The following PPP1CC variants were observed in gnomAD, a reference collection of about 807,000 sequenced individuals.
The protein encoded by PPP1CC is serine/threonine-protein phosphatase PP1-gamma catalytic subunit.
In PPP1CC, 16 loss-of-function variants were observed where a neutral mutation model predicts 38.4. That is an observed-to-expected ratio of 0.42 (90% CI 0.28 to 0.63). PPP1CC has a LOEUF of 0.63. Ranked by LOEUF, PPP1CC falls within the 30% of genes least tolerant of loss-of-function variation. PPP1CC has a pLI of 0.25. For synonymous variants in PPP1CC, 158 were observed against 136.0 expected (o/e 1.16, Z -1.13); for missense variants, 170 against 391.3 (o/e 0.43, Z 4.77).
rs111878536 is a variant in PPP1CC at position 110,724,106 on chromosome 12, C to T, written c.523+554G>A. On this transcript the variant is annotated intron_variant, in intron 4 of 6. Transcript: ENST00000335007. ...ACAAAAAATTAGCCAAGCGTGGTGGCGGGTGGCTGCAGTCCCAGCTACTCA... is the reference window on the plus strand; with the variant it reads ...ACAAAAAATTAGCCAAGCGTGGTGGTGGGTGGCTGCAGTCCCAGCTACTCA... Among the ~76,000 whole-genome samples the T allele has an allele frequency of 5.1e-3, 768 of 152,058 alleles. 2 individuals are homozygous for T. Among genetic ancestry groups the T allele is most frequent in the Middle Eastern group, 0.01 (3 of 294 alleles).
chr12:110,727,811 C>T (rs919082559), intron 3 of PPP1CC, among the ~76,000 whole-genome samples: 3 of 152,076 alleles, frequency 2.0e-5, no homozygotes, highest in African/African-American at 7.2e-5. Flanking sequence ...CACTTTCATG[C>T]CCACAAGTAG....
chr12:110,730,477 G>A, intron 3 of PPP1CC, 52 bp downstream of exon 3: 9 of 1,333,652 alleles, frequency 6.7e-6, no homozygotes, highest in Non-Finnish European at 8.3e-6. Flanking sequence ...AATTGTTTAT[G>A]ATAAATATCT....
rs1183169828 is a variant in PPP1CC at position 110,719,949 on chromosome 12, C to G, written c.*1127G>C. On this transcript the variant is annotated 3_prime_UTR_variant, in exon 7 of 7. Transcript: ENST00000335007. ...AATAAGTCTGAATTCATTTTCACCA[C>G]ACGGTATTGTACACGGTCATCTGTT... is the stretch of plus-strand genomic sequence containing the variant. 1 of 545,084 alleles carries G rather than the reference C, an allele frequency of 1.8e-6. No homozygotes were observed. Among genetic ancestry groups the G allele is most frequent in the African/African-American group, 1.9e-5 (1 of 51,938 alleles). 33.8% of individuals were successfully genotyped at this position (545,084 alleles called of 1,614,324 possible).
At position 110,722,525 on chromosome 12, in the gene PPP1CC, C is replaced by G; in HGVS notation, c.694G>C (p.Val232Leu). ...TCATGCTTATGGAGAAATTTTGCAACCACTTCTGCACCAAATGTGAAGGAC... is the reference window on the plus strand; with the variant it reads ...TCATGCTTATGGAGAAATTTTGCAAGCACTTCTGCACCAAATGTGAAGGAC... ...GVSFTFGAEV[V>L]AKFLHKHDLD... The change falls in exon 5 of 7, where the codon GTT becomes CTT. Residue 232 changes from valine (V) to leucine (L), a missense_variant. This residue lies in a region of PPP1CC where 117 missense variants were observed against 344.4 expected (regional missense o/e 0.34). Transcript: ENST00000335007. The surrounding 1 kb of genome is among the most constrained non-coding windows in gnomAD (Gnocchi z 5.4). The G allele has an allele frequency of 1.2e-6, 2 of 1,614,174 alleles. No homozygotes were observed. The highest frequency in any genetic ancestry group is 8.5e-7 in the Non-Finnish European group (1 of 1,180,022).
At chr12:110,727,780 A>T (rs988112773) in intron 3 of PPP1CC, among the ~76,000 whole-genome samples, 16 of 152,214 alleles carry the variant, frequency 1.1e-4, no homozygotes, top group Non-Finnish European at 5.9e-5. Context: ...GCCTTCAACC[A>T]AAAGCCACCT....
intron 1 of PPP1CC, among the ~76,000 whole-genome samples, chr12:110,737,499 A>AG (rs1405643829): frequency 6.7e-6 from 1 of 149,880 alleles, no homozygotes. Flanking sequence ...AAAAAAAAAA[A>AG]AAGAAAAGAA....
chr12:110,739,436 T>C (rs2069986946), intron 1 of PPP1CC, among the ~76,000 whole-genome samples: 1 of 152,164 alleles, frequency 6.6e-6, no homozygotes, highest in South Asian at 2.1e-4. Flanking sequence ...TTATTATCTT[T>C]AGGACCAGGG....
chr12:110,722,011 A>T lies in PPP1CC; in HGVS notation c.882+124T>A. ...TATTCAACTATAATACACACTGGTT[A>T]AGGGAAAATAAAAACTTAGCCTACT... is the stretch of plus-strand genomic sequence containing the variant. On this transcript the variant is annotated intron_variant, in intron 6 of 6. Coordinates refer to ENST00000335007, the MANE Select transcript of PPP1CC (RefSeq NM_002710.4). This position sits in a 1 kb window ranked among gnomAD's most constrained non-coding sequence, Gnocchi z 5.4. The T allele has an allele frequency of 8.5e-7, 1 of 1,174,664 alleles. No homozygotes were observed. The highest frequency in any genetic ancestry group is 1.2e-6 in the Non-Finnish European group (1 of 839,750). 72.8% of individuals were successfully genotyped at this position (1,174,664 alleles called of 1,614,324 possible).
chr12:110,730,891 G>A (rs2069864072), intron 2 of PPP1CC, 132 bp from the exon 3 acceptor site: 1 of 617,846 alleles, frequency 1.6e-6, no homozygotes, highest in African/African-American at 1.8e-5. Flanking sequence ...GTTTAACTGG[G>A]CAGCCAACAC....
In PPP1CC at chr12:110,719,758, C is replaced by T. The variant is rs553892357; in HGVS notation, c.*1318G>A. 1 of 205,828 alleles carries T rather than the reference C, an allele frequency of 4.9e-6. No homozygotes were observed. Among genetic ancestry groups the T allele is most frequent in the African/African-American group, 2.3e-5 (1 of 42,724 alleles). The allele number at this position is 205,828 out of a possible 1,614,324, so 12.8% of individuals were successfully genotyped here. A position where few individuals can be genotyped will look rare whatever the true frequency, so the allele number is the denominator to read the frequency against. ...AGAGTATTAGTATCTGTATTATAATCCATCTTTGGAAAACAGACTATTTGA... is the reference window on the plus strand; with the variant it reads ...AGAGTATTAGTATCTGTATTATAATTCATCTTTGGAAAACAGACTATTTGA... On this transcript the variant is annotated 3_prime_UTR_variant, in exon 7 of 7. Transcript: ENST00000335007.
downstream of PPP1CC, among the ~76,000 whole-genome samples, chr12:110,715,956 T>C (rs2069683895): frequency 6.6e-6 from 1 of 152,204 alleles, no homozygotes; most frequent in South Asian, 2.1e-4. Flanking sequence ...TGTCGCTTTA[T>C]TGCTCCTGCG....
chr12:110,728,607 AAAAC>A (rs1278636947), intron 3 of PPP1CC, among the ~76,000 whole-genome samples: 1 of 151,918 alleles, frequency 6.6e-6, no homozygotes, highest in African/African-American at 2.4e-5. Flanking sequence ...CTCTGTCTCA[AAAAC>A]AAACAAAAAA....
intron 1 of PPP1CC, chr12:110,732,254 T>C: frequency 2.9e-6 from 1 of 344,062 alleles, no homozygotes; most frequent in Non-Finnish European, 5.2e-6. Flanking sequence ...GGTCAAGAGA[T>C]CCAGACCATC....
chr12:110,725,803 T>G (rs189497743), intron 3 of PPP1CC: 1 of 152,490 alleles, frequency 6.6e-6, no homozygotes, highest in African/African-American at 2.4e-5. Context: ...GGCTCACACC[T>G]GTAATCCCAG....
chr12:110,728,452 G>C (rs1370072344), intron 3 of PPP1CC, among the ~76,000 whole-genome samples: 1 of 149,200 alleles, frequency 6.7e-6, no homozygotes, highest in Non-Finnish European at 1.5e-5. Context: ...CTTGGAATAA[G>C]TATCCAAAAC....
Position 110,742,725 on chromosome 12 carries a change from C to A in PPP1CC, c.-18G>T. On this transcript the variant is annotated 5_prime_UTR_variant, in exon 1 of 7. Transcript: ENST00000335007. The stretch of plus-strand genomic sequence containing the variant: ...TCCGCCATCGCCTTCCCACCGCCGA[C>A]CCTCCCGCAGCGGCGCCGCCGCCGG... The A allele has an allele frequency of 7.1e-7, 1 of 1,418,338 alleles. No homozygotes were observed. The allele number at this position is 1,418,338 out of a possible 1,614,324, so 87.9% of individuals were successfully genotyped here.
At chr12:110,736,947 A>G (rs541675330) in intron 1 of PPP1CC, among the ~76,000 whole-genome samples, 3 of 152,372 alleles carry the variant, frequency 2.0e-5, no homozygotes, top group African/African-American at 7.2e-5. Flanking sequence ...TGGTATAAAA[A>G]TAAGCCAACG....
rs1219938259 is a variant in PPP1CC, at chr12:110,719,972, G to A, written c.*1104C>T. On this transcript the variant is annotated 3_prime_UTR_variant, in exon 7 of 7. Coordinates refer to ENST00000335007, the MANE Select transcript of PPP1CC (RefSeq NM_002710.4). ...CACACGGTATTGTACACGGTCATCTGTTGAAACAGATTTCTTTTTTAACAG... is the reference window on the plus strand; with the variant it reads ...CACACGGTATTGTACACGGTCATCTATTGAAACAGATTTCTTTTTTAACAG... The A allele has an allele frequency of 1.6e-6, 1 of 618,950 alleles. No homozygotes were observed. Among genetic ancestry groups the A allele is most frequent in the East Asian group, 2.8e-5 (1 of 36,160 alleles). 38.3% of individuals were successfully genotyped at this position (618,950 alleles called of 1,614,324 possible).
chr12:110,731,694 T>C (rs1160483857), intron 2 of PPP1CC, 76 bp downstream of exon 2: 7 of 1,484,140 alleles, frequency 4.7e-6, no homozygotes, highest in Admixed American at 2.0e-5. Flanking sequence ...TGCTAGCTAA[T>C]ACAAGGTCAT....
Sources: gnomAD v4.1 joint callset for allele counts (sites outside exome capture counted in the v4.1 genomes callset) on GRCh38, gnomAD v4.1.1 for gene constraint, gnomAD v4.1.1 regional missense constraint, Gnocchi (gnomAD v3.1) non-coding constraint, MANE v1.5 for transcripts, NCBI Gene and HGNC (gene_info 2026-07-23, HGNC 2026-07-21) for gene names.